The following PIK3AP1 variants were observed in gnomAD, a reference collection of about 807,000 sequenced individuals.
The protein encoded by PIK3AP1 is phosphoinositide-3-kinase adaptor protein 1, also known as phosphoinositide 3-kinase adapter protein 1.
PIK3AP1 carries 21 observed loss-of-function variants against 88.1 expected under a neutral mutation model. The ratio of observed to expected loss-of-function variants is 0.24; its 90% CI spans 0.17 to 0.34. The LOEUF (loss-of-function observed/expected upper bound fraction) is 0.34. Ranked by LOEUF, PIK3AP1 falls within the 10% of genes least tolerant of loss-of-function variation. PIK3AP1 has a pLI of 1.00. For missense variants in PIK3AP1, 828 were observed against 1,035.7 expected, an observed-to-expected ratio of 0.80 and a Z score of 2.75; for synonymous variants, 398 against 400.0, an observed-to-expected ratio of 1.00 and a Z score of 0.06.
Position 96,699,099 on chromosome 10 carries a change from G to A in PIK3AP1, c.430+10468C>T, listed in dbSNP as rs188800848. 1.9e-3 allele frequency among the ~76,000 whole-genome samples: 288 copies of A among 152,204 alleles called. 1 individual carries two copies. Among genetic ancestry groups the A allele is most frequent in the African/African-American group, 6.6e-3 (276 of 41,528 alleles). On this transcript the variant is annotated intron_variant, in intron 2 of 16. Transcript: ENST00000339364. Reference sequence around the variant, plus strand: ...CTTGGGAGGCTGAGACAGGAGAATCGCTTGAACCCAGGAGGTGGAGGTTGC... The same window carrying A: ...CTTGGGAGGCTGAGACAGGAGAATCACTTGAACCCAGGAGGTGGAGGTTGC...
At chr10:96,627,990 A>C (rs6584089) in intron 9 of PIK3AP1, among the ~76,000 whole-genome samples, 12 of 152,118 alleles carry the variant, frequency 7.9e-5, no homozygotes, top group African/African-American at 2.9e-4. Context: ...ATCTTTGTTT[A>C]TATTTGCCTC....
At chr10:96,609,910 CTG>C in intron 13 of PIK3AP1, 43 bp from the exon 14 acceptor site, 5 of 1,599,740 alleles carry the variant, frequency 3.1e-6, no homozygotes, top group Non-Finnish European at 4.3e-6. Flanking sequence ...AGATACCAGA[CTG>C]TCACCTGCCA....
chr10:96,700,599 G>A (rs933496931), intron 2 of PIK3AP1, among the ~76,000 whole-genome samples: 2 of 152,202 alleles, frequency 1.3e-5, no homozygotes, highest in African/African-American at 4.8e-5. Flanking sequence ...GCGTCCTTCA[G>A]CAGGGGGTAT....
At chr10:96,703,060 A>G (rs889799713) in intron 2 of PIK3AP1, among the ~76,000 whole-genome samples, 1 of 152,048 alleles carries the variant, frequency 6.6e-6, no homozygotes, top group African/African-American at 2.4e-5. Flanking sequence ...TATTTTTTGT[A>G]GAGACAGGGT....
chr10:96,698,534 C>G (rs963561338), intron 2 of PIK3AP1, among the ~76,000 whole-genome samples: 41 of 151,916 alleles, frequency 2.7e-4, no homozygotes, highest in Non-Finnish European at 7.4e-5. Flanking sequence ...CTAAACCAAA[C>G]TAAACTAAAC....
In PIK3AP1 at chr10:96,593,623, A is replaced by G. The variant is rs1416749267; in HGVS notation, c.*1954T>C. The G allele has an allele frequency of 6.6e-6, 1 of 151,628 alleles. No homozygotes were observed. The highest frequency in any genetic ancestry group is 1.5e-5 in the Non-Finnish European group (1 of 67,998). The allele number at this position is 151,628 out of a possible 1,614,324, so 9.4% of individuals were successfully genotyped here. A position where few individuals can be genotyped will look rare whatever the true frequency, so the allele number is the denominator to read the frequency against. On this transcript the variant is annotated 3_prime_UTR_variant, in exon 17 of 17. Coordinates refer to ENST00000339364, the MANE Select transcript of PIK3AP1 (RefSeq NM_152309.3). ...ACAGGGCAAGCATACCAACATCAAA[A>G]TTATTCTTCTTCTTATCTCACGTGC...
intron 2 of PIK3AP1, among the ~76,000 whole-genome samples, chr10:96,685,701 TG>T (rs1475578792): frequency 6.6e-6 from 1 of 152,206 alleles, no homozygotes; most frequent in African/African-American, 2.4e-5. Context: ...CTTGCGGCTT[TG>T]GCCAACTGAG....
Position 96,651,667 on chromosome 10 carries a change from GAC to G in PIK3AP1, c.713-18_713-17del, listed in dbSNP as rs747704378. The G allele has an allele frequency of 1.4e-5, 23 of 1,611,286 alleles. No homozygotes were observed. Among genetic ancestry groups the G allele is most frequent in the Non-Finnish European group, 2.0e-5 (23 of 1,179,102 alleles). On this transcript the variant is annotated splice_polypyrimidine_tract_variant and intron_variant, in intron 4 of 16. Coordinates refer to ENST00000339364, the MANE Select transcript of PIK3AP1 (RefSeq NM_152309.3). ...GATGAAAGGTCTGAACAGAAGAAAAGACACTATCAAAATTCCCAGGAAAAACA... is the reference window on the plus strand; with the variant it reads ...GATGAAAGGTCTGAACAGAAGAAAAGACTATCAAAATTCCCAGGAAAAACA...
chr10:96,630,181 AC>A (rs1843226123), intron 8 of PIK3AP1, among the ~76,000 whole-genome samples: 1 of 152,052 alleles, frequency 6.6e-6, no homozygotes, highest in South Asian at 2.1e-4. Context: ...ACAAAAAACA[AC>A]CTCCTTATTT....
At chr10:96,688,798 CAAAAAAAA>C (rs1270428833) in intron 2 of PIK3AP1, among the ~76,000 whole-genome samples, 2 of 149,894 alleles carry the variant, frequency 1.3e-5, no homozygotes, top group Non-Finnish European at 3.0e-5. Flanking sequence ...GACTCTGTCT[CAAAAAAAA>C]GAAAGAAAGA....
intron 2 of PIK3AP1, among the ~76,000 whole-genome samples, chr10:96,686,743 T>C (rs1395590227): frequency 2.0e-5 from 3 of 152,038 alleles, no homozygotes; most frequent in African/African-American, 7.2e-5. Context: ...GCAGACTGCG[T>C]GTGCAGCTGT....
chr10:96,667,798 A>G (rs986228549), intron 2 of PIK3AP1, among the ~76,000 whole-genome samples: 6 of 97,636 alleles, frequency 6.1e-5, no homozygotes, highest in Non-Finnish European at 5.7e-5. Context: ...TAAATCAAAA[A>G]GAAAAGACTT....
At chr10:96,625,178 T>A (rs923294498) in intron 10 of PIK3AP1, among the ~76,000 whole-genome samples, 3 of 152,172 alleles carry the variant, frequency 2.0e-5, no homozygotes, top group Admixed American at 2.0e-4. Flanking sequence ...GCTGGGGCAC[T>A]CATCCATACC....
chr10:96,718,801 G>C (rs867003097), intron 1 of PIK3AP1, among the ~76,000 whole-genome samples: 5 of 152,236 alleles, frequency 3.3e-5, no homozygotes, highest in Middle Eastern at 6.8e-3. Context: ...CCTGACCATG[G>C]AAGGAGGAGG....
chr10:96,666,744 A>T (rs528678451), intron 2 of PIK3AP1, among the ~76,000 whole-genome samples: 1 of 152,182 alleles, frequency 6.6e-6, no homozygotes, highest in East Asian at 1.9e-4. Context: ...TTTAATCCTC[A>T]GAACAACCCT....
Position 96,656,818 on chromosome 10 carries a change from G to C in PIK3AP1, c.547C>G (p.Pro183Ala). The C allele has an allele frequency of 1.9e-6, 3 of 1,614,072 alleles. No individual in the cohort carries two copies. The highest frequency in any genetic ancestry group is 2.5e-6 in the Non-Finnish European group (3 of 1,180,034). ...TSPGNLMVVQ[P>A]DRIRCGAETT... ...CCTACCCCACAGCGAATGCGGTCCG[G>C]CTGCACCACCATCAGGTTCCCAGGT... Residue 183 changes from proline to alanine, a missense_variant, in exon 3 of 17, where the codon CCG (proline) becomes GCG (alanine). By Grantham distance (27) the Pro-to-Ala change is conservative. Transcript: ENST00000339364.
At chr10:96,643,619 G>A (rs1843420819) in intron 8 of PIK3AP1, among the ~76,000 whole-genome samples, 2 of 152,156 alleles carry the variant, frequency 1.3e-5, no homozygotes, top group South Asian at 4.1e-4. Flanking sequence ...CAATCTGAAT[G>A]GCAAACACCT....
At chr10:96,641,895 C>T (rs1160529187) in intron 8 of PIK3AP1, among the ~76,000 whole-genome samples, 2 of 152,164 alleles carry the variant, frequency 1.3e-5, no homozygotes, top group African/African-American at 4.8e-5. Context: ...TGCAAATACG[C>T]ATTTTAGATT....
At chr10:96,715,868 C>G (rs1844495436) in intron 1 of PIK3AP1, among the ~76,000 whole-genome samples, 1 of 144,200 alleles carries the variant, frequency 6.9e-6, no homozygotes, top group African/African-American at 2.6e-5. Flanking sequence ...CCAGCCTGGG[C>G]AACAGAGCGA....
Sources: gnomAD v4.1 joint callset for allele counts (sites outside exome capture counted in the v4.1 genomes callset) on GRCh38, gnomAD v4.1.1 for gene constraint, MANE v1.5 for transcripts, NCBI Gene and HGNC (gene_info 2026-07-23, HGNC 2026-07-21) for gene names.